Variants in ADGRL3 observed in about 807,000 individuals in gnomAD.
ADGRL3 encodes the protein adhesion G protein-coupled receptor L3.
Under a neutral mutation model 153.5 loss-of-function variants are expected in ADGRL3, and 62 were observed. The ratio of observed to expected loss-of-function variants is 0.40; its 90% CI spans 0.33 to 0.50. The LOEUF is 0.50. Ranked by LOEUF, ADGRL3 falls within the 20% of genes least tolerant of loss-of-function variation. The probability of loss-of-function intolerance (pLI) is 0.47; values close to 1 mark genes in which losing one functional copy is unlikely to be tolerated. For synonymous variants in ADGRL3, 710 were observed against 672.5 expected (o/e 1.06, Z -0.86); for missense variants, 1,641 against 1,859.4 (o/e 0.88, Z 2.16).
intron 9 of ADGRL3, among the ~76,000 whole-genome samples, chr4:61,874,573 T>A (rs2149418879): frequency 6.8e-6 from 1 of 147,252 alleles, no homozygotes; most frequent in Non-Finnish European, 1.5e-5. Flanking sequence ...AAAAGTCATC[T>A]TTCTTCTCGT....
intron 17 of ADGRL3, among the ~76,000 whole-genome samples, chr4:61,975,268 C>G (rs2099044062): frequency 6.6e-6 from 1 of 152,068 alleles, no homozygotes; most frequent in Non-Finnish European, 1.5e-5. Context: ...AGAAAAAACC[C>G]TCTGTGAGAA....
intron 8 of ADGRL3, among the ~76,000 whole-genome samples, chr4:61,781,310 A>C (rs1402377833): frequency 6.8e-6 from 1 of 148,024 alleles, no homozygotes; most frequent in Non-Finnish European, 1.5e-5. Flanking sequence ...AGCCTGGGCA[A>C]AAAGAGCAAA....
At chr4:61,836,402 T>G (rs2097935667) in intron 9 of ADGRL3, among the ~76,000 whole-genome samples, 1 of 152,280 alleles carries the variant, frequency 6.6e-6, no homozygotes, top group Non-Finnish European at 1.5e-5. Context: ...GGAAACAATT[T>G]AAGTGTAGTG....
intron 4 of ADGRL3, among the ~76,000 whole-genome samples, chr4:61,584,901 G>A (rs1295269158): frequency 1.3e-5 from 2 of 151,770 alleles, no homozygotes; most frequent in Non-Finnish European, 2.9e-5. Flanking sequence ...TAGCATCTCA[G>A]TATTGAAAAG....
At chr4:61,846,611 G>A (rs1247188588) in intron 9 of ADGRL3, among the ~76,000 whole-genome samples, 3 of 151,982 alleles carry the variant, frequency 2.0e-5, no homozygotes, top group Non-Finnish European at 4.4e-5. Context: ...CATTTAATTT[G>A]TGTGGTATGT....
chr4:61,804,468 T>C (rs79571556), intron 8 of ADGRL3, among the ~76,000 whole-genome samples: 14,065 of 152,224 alleles, frequency 0.092, 736 homozygotes, highest in Middle Eastern at 0.15. Context: ...CAAGCATTTA[T>C]ATATATTCTG....
chr4:61,412,120 C>T (rs957015984), intron 2 of ADGRL3, among the ~76,000 whole-genome samples: 1 of 151,888 alleles, frequency 6.6e-6, no homozygotes, highest in African/African-American at 2.4e-5. Context: ...TTTGGAGACT[C>T]TGTTGTCCAG....
At chr4:62,028,808 A>G (rs1198665664) in intron 21 of ADGRL3, 47 bp from the exon 22 acceptor site, 1 of 1,528,706 alleles carries the variant, frequency 6.5e-7, no homozygotes, top group Non-Finnish European at 9.0e-7. Flanking sequence ...CTTTGTCATA[A>G]AATGCTAATG....
chr4:61,593,687 T>C (rs540708880), intron 5 of ADGRL3, among the ~76,000 whole-genome samples: 1 of 152,276 alleles, frequency 6.6e-6, no homozygotes, highest in Non-Finnish European at 1.5e-5. Flanking sequence ...TTGGGTTTTT[T>C]GTTTTGTTTC....
At chr4:61,990,522 T>G (rs1001567011) in intron 19 of ADGRL3, among the ~76,000 whole-genome samples, 1 of 152,090 alleles carries the variant, frequency 6.6e-6, no homozygotes, top group East Asian at 1.9e-4. Context: ...ACTAAAAACC[T>G]TGGAGTTATA....
At chr4:61,668,233 T>G (rs933146480) in intron 5 of ADGRL3, among the ~76,000 whole-genome samples, 1 of 152,140 alleles carries the variant, frequency 6.6e-6, no homozygotes, top group East Asian at 1.9e-4. Context: ...GAAGAAAAGG[T>G]GCTGTGTTGT....
At chr4:61,418,455 A>C (rs2097168715) in intron 2 of ADGRL3, among the ~76,000 whole-genome samples, 2 of 142,792 alleles carry the variant, frequency 1.4e-5, no homozygotes, top group African/African-American at 5.7e-5. Flanking sequence ...ATTTAGATAA[A>C]ATTTTGTTTG....
At chr4:61,358,441 C>A (rs1445942496) in intron 1 of ADGRL3, among the ~76,000 whole-genome samples, 1 of 151,746 alleles carries the variant, frequency 6.6e-6, no homozygotes, top group Non-Finnish European at 1.5e-5. Flanking sequence ...ACTAAAAATA[C>A]AAAAAATTAG....
chr4:61,807,613 T>A (rs533137207), intron 8 of ADGRL3, among the ~76,000 whole-genome samples: 1 of 152,278 alleles, frequency 6.6e-6, no homozygotes, highest in South Asian at 2.1e-4. Context: ...GATTTTCATC[T>A]CTTTCAGATT....
intron 1 of ADGRL3, among the ~76,000 whole-genome samples, chr4:61,224,954 TC>T (rs1313674553): frequency 6.6e-6 from 1 of 152,142 alleles, no homozygotes; most frequent in Non-Finnish European, 1.5e-5. Context: ...ATGCCAACCA[TC>T]CCTGTCTGCA....
intron 4 of ADGRL3, among the ~76,000 whole-genome samples, chr4:61,540,989 A>G (rs1245475863): frequency 1.3e-5 from 2 of 152,200 alleles, no homozygotes; most frequent in Non-Finnish European, 2.9e-5. Context: ...TCACAATGTA[A>G]TTATGATCAG....
chr4:61,203,368 C>T (rs1230091168), intron 1 of ADGRL3, among the ~76,000 whole-genome samples: 1 of 152,194 alleles, frequency 6.6e-6, no homozygotes, highest in African/African-American at 2.4e-5. Context: ...TGTAAGCACT[C>T]CTGCCACAGT....
At chr4:61,372,767 C>T (rs1311748503) in intron 1 of ADGRL3, among the ~76,000 whole-genome samples, 1 of 152,138 alleles carries the variant, frequency 6.6e-6, no homozygotes, top group South Asian at 2.1e-4. Context: ...CCAGTTCGAG[C>T]TTCCCGGCTG....
intron 5 of ADGRL3, among the ~76,000 whole-genome samples, chr4:61,672,403 T>C (rs1425720909): frequency 1.3e-5 from 2 of 152,188 alleles, no homozygotes; most frequent in East Asian, 3.9e-4. Flanking sequence ...TCTGTACCAT[T>C]GGTCTACACG....
Sources: allele counts gnomAD v4.1 joint callset (sites outside exome capture counted in the v4.1 genomes callset), GRCh38; gene constraint gnomAD v4.1.1; transcripts MANE v1.5; gene names NCBI Gene and HGNC (gene_info 2026-07-23, HGNC 2026-07-21).